NUMB: variants seen among roughly 807,000 people sequenced by gnomAD.
NUMB encodes NUMB endocytic adaptor protein.
NUMB carries 29 observed loss-of-function variants against 59.7 expected under a neutral mutation model. The observed-to-expected ratio is 0.49, with a 90% CI of 0.36 to 0.66. The LOEUF (loss-of-function observed/expected upper bound fraction) is 0.66. Ranked by LOEUF, NUMB falls within the 30% of genes least tolerant of loss-of-function variation. NUMB has a pLI of 0.00. For synonymous variants in NUMB, 288 were observed against 288.2 expected (o/e 1.00, Z 0.01); for missense variants, 723 against 822.0 (o/e 0.88, Z 1.47).
intron 1 of NUMB, among the ~76,000 whole-genome samples, chr14:73,434,954 G>A (rs1897988957): frequency 6.6e-6 from 1 of 151,912 alleles, no homozygotes; most frequent in Admixed American, 6.6e-5. Flanking sequence ...TTACAAATGA[G>A]AATAAATCTG....
chr14:73,378,935 G>T (rs746109717), intron 2 of NUMB, among the ~76,000 whole-genome samples: 45 of 152,182 alleles, frequency 3.0e-4, no homozygotes, highest in Non-Finnish European at 5.4e-4. Flanking sequence ...AGTTGATAGT[G>T]GGGAGGTTGT....
intron 2 of NUMB, among the ~76,000 whole-genome samples, chr14:73,396,853 T>C (rs1228623947): frequency 6.6e-6 from 1 of 152,160 alleles, no homozygotes; most frequent in Non-Finnish European, 1.5e-5. Context: ...GCTGGCGCAG[T>C]GGCTCATGCC....
intron 2 of NUMB, among the ~76,000 whole-genome samples, chr14:73,391,248 G>A (rs754398173): frequency 1.3e-5 from 2 of 150,018 alleles, no homozygotes; most frequent in Non-Finnish European, 3.0e-5. Flanking sequence ...GTGTATAAAT[G>A]GCAATGAAAA....
intron 2 of NUMB, among the ~76,000 whole-genome samples, chr14:73,385,692 G>A (rs965117301): frequency 4.6e-5 from 7 of 151,664 alleles, no homozygotes; most frequent in Non-Finnish European, 8.8e-5. Context: ...AGTAGAGACT[G>A]GGTTTCGTCA....
intron 4 of NUMB, among the ~76,000 whole-genome samples, chr14:73,343,280 C>T (rs1406544614): frequency 6.6e-6 from 1 of 151,802 alleles, no homozygotes; most frequent in Non-Finnish European, 1.5e-5. Flanking sequence ...GGAGGAGAGA[C>T]AGATTGGAAG....
intron 2 of NUMB, among the ~76,000 whole-genome samples, chr14:73,400,324 A>G (rs1340963322): frequency 6.6e-6 from 1 of 152,200 alleles, no homozygotes; most frequent in Non-Finnish European, 1.5e-5. Flanking sequence ...TAGTAAACCT[A>G]TTTTGCATGA....
At chr14:73,413,015 T>C (rs1452304378) in intron 1 of NUMB, among the ~76,000 whole-genome samples, 1 of 152,046 alleles carries the variant, frequency 6.6e-6, no homozygotes, top group African/African-American at 2.4e-5. Context: ...TTTAAAAGAG[T>C]AGTAAAATAA....
At chr14:73,346,917 T>C (rs571251439) in intron 4 of NUMB, among the ~76,000 whole-genome samples, 2 of 152,328 alleles carry the variant, frequency 1.3e-5, no homozygotes, top group South Asian at 2.1e-4. Flanking sequence ...TACATGCTTC[T>C]TTGTAAAAAG....
chr14:73,348,050 C>T (rs1015858943), intron 4 of NUMB, among the ~76,000 whole-genome samples: 1 of 152,186 alleles, frequency 6.6e-6, no homozygotes, highest in Non-Finnish European at 1.5e-5. Context: ...ATTTGTTATT[C>T]CTTAGTGAGT....
At chr14:73,322,772 A>G (rs1891470682) in intron 5 of NUMB, 1 of 152,918 alleles carries the variant, frequency 6.5e-6, no homozygotes, top group African/African-American at 2.4e-5. Context: ...CTAAATTTAA[A>G]CGGCTCATCT....
intron 5 of NUMB, among the ~76,000 whole-genome samples, chr14:73,318,949 T>G (rs1227982112): frequency 6.6e-6 from 1 of 152,192 alleles, no homozygotes; most frequent in Non-Finnish European, 1.5e-5. Flanking sequence ...ACTTGCAAAT[T>G]ATCTCTTTCC....
intron 4 of NUMB, among the ~76,000 whole-genome samples, chr14:73,324,122 CAGA>C (rs1414290672): frequency 2.0e-5 from 3 of 152,202 alleles, no homozygotes; most frequent in Non-Finnish European, 2.9e-5. Flanking sequence ...AACTGTATCA[CAGA>C]AGAAGAGACT....
intron 4 of NUMB, among the ~76,000 whole-genome samples, chr14:73,339,127 A>G (rs757973878): frequency 3.3e-5 from 5 of 152,202 alleles, no homozygotes; most frequent in Non-Finnish European, 7.3e-5. Flanking sequence ...TACGTACTGG[A>G]TATAATTTCA....
Position 73,446,304 on chromosome 14 carries a change from A to G in NUMB, c.-233+12189T>C, listed in dbSNP as rs147052247. Among the ~76,000 whole-genome samples the G allele has an allele frequency of 2.0e-3, 299 of 152,134 alleles. 1 individual carries two copies. Among genetic ancestry groups the G allele is most frequent in the African/African-American group, 7.0e-3 (291 of 41,500 alleles). ...TAGCCACCATCACCAGACTTGCAAA[A>G]TAACTTTAAAAAAAAATCCTAAACT... On this transcript the variant is annotated intron_variant, in intron 1 of 12. Transcript: ENST00000555238.
intron 2 of NUMB, among the ~76,000 whole-genome samples, chr14:73,403,414 T>G (rs1176328554): frequency 6.6e-6 from 1 of 152,192 alleles, no homozygotes; most frequent in Non-Finnish European, 1.5e-5. Flanking sequence ...GGCTAATAAT[T>G]AAAAACAAAG....
intron 1 of NUMB, among the ~76,000 whole-genome samples, chr14:73,422,928 G>A (rs1164717698): frequency 7.0e-6 from 1 of 143,706 alleles, no homozygotes. Flanking sequence ...AAAAAAAACT[G>A]TTATATTCCC....
intron 3 of NUMB, among the ~76,000 whole-genome samples, chr14:73,365,528 T>C (rs1320474523): frequency 6.6e-6 from 1 of 152,086 alleles, no homozygotes; most frequent in African/African-American, 2.4e-5. Flanking sequence ...ACCAGCACTT[T>C]GGGAGGCTGA....
chr14:73,411,919 CTTTTTTT>C lies in NUMB; in HGVS notation c.-232-1858_-232-1852del, dbSNP rs935625343. ...GAATAAGAAGACAAGCAGCAATTAA[CTTTTTTT>C]TTTTTTTTTTTTTTTTGAGACAGGG... On this transcript the variant is annotated intron_variant, in intron 1 of 12. Transcript: ENST00000555238. Among the ~76,000 whole-genome samples the C allele has an allele frequency of 5.6e-5, 6 of 106,818 alleles. No individual in the cohort carries two copies. The Admixed American group carries it at 5.8e-4, about 10-fold the overall frequency. The allele number at this position is 106,818 out of a possible 152,430, so 70.1% of individuals were successfully genotyped here.
chr14:73,336,969 C>A (rs1289784525), intron 4 of NUMB, among the ~76,000 whole-genome samples: 2 of 152,034 alleles, frequency 1.3e-5, no homozygotes, highest in South Asian at 4.2e-4. Flanking sequence ...TGGTGGCATG[C>A]GCCTGTAATC....
Sources: gnomAD v4.1 joint callset for allele counts (sites outside exome capture counted in the v4.1 genomes callset) on GRCh38, gnomAD v4.1.1 for gene constraint, MANE v1.5 for transcripts, NCBI Gene and HGNC (gene_info 2026-07-23, HGNC 2026-07-21) for gene names.